The following SIL1 variants were observed in gnomAD, a reference collection of about 807,000 sequenced individuals.
SIL1 encodes the protein SIL1 nucleotide exchange factor, also known as nucleotide exchange factor SIL1.
In SIL1, 40 loss-of-function variants were observed where a neutral mutation model predicts 49.1. The observed-to-expected ratio is 0.81, with a 90% CI of 0.63 to 1.06. The LOEUF (loss-of-function observed/expected upper bound fraction) is 1.06, where lower values mean the gene tolerates loss of function less well. Ranked by LOEUF, SIL1 falls within the 50% of genes least tolerant of loss-of-function variation. The pLI, the probability that SIL1 is intolerant of heterozygous loss-of-function variation, is 0.00. For synonymous variants in SIL1, 253 were observed against 250.8 expected (o/e 1.01, Z -0.08); for missense variants, 500 against 572.6 (o/e 0.87, Z 1.29).
At chr5:139,064,935 G>A (rs1411323915) in intron 3 of SIL1, among the ~76,000 whole-genome samples, 1 of 152,170 alleles carries the variant, frequency 6.6e-6, no homozygotes, top group Non-Finnish European at 1.5e-5. Flanking sequence ...TGACACCAGA[G>A]AGTTCTCAAT....
chr5:138,961,901 T>C (rs1054563260), intron 7 of SIL1, among the ~76,000 whole-genome samples: 5 of 151,516 alleles, frequency 3.3e-5, no homozygotes, highest in African/African-American at 1.2e-4. Context: ...AGTTTTACCT[T>C]CCCCTTTTAG....
At chr5:138,966,088 G>A (rs1169877666) in intron 7 of SIL1, among the ~76,000 whole-genome samples, 5 of 151,952 alleles carry the variant, frequency 3.3e-5, no homozygotes, top group Non-Finnish European at 5.9e-5. Context: ...AGGCTACCGA[G>A]GATTAAATGA....
intron 3 of SIL1, among the ~76,000 whole-genome samples, chr5:139,113,319 A>AAAAT (rs1232145485): frequency 8.0e-6 from 1 of 124,614 alleles, no homozygotes; most frequent in Non-Finnish European, 1.8e-5. Flanking sequence ...AAATAAATAA[A>AAAAT]TAAATAAATT....
intron 4 of SIL1, among the ~76,000 whole-genome samples, chr5:139,044,036 T>C (rs967002538): frequency 6.6e-5 from 10 of 152,172 alleles, no homozygotes; most frequent in African/African-American, 2.4e-4. Flanking sequence ...CTTTCATTCT[T>C]CCTAGAGACC....
intron 1 of SIL1, among the ~76,000 whole-genome samples, chr5:139,140,872 A>C (rs563351867): frequency 6.6e-6 from 1 of 152,308 alleles, no homozygotes; most frequent in South Asian, 2.1e-4. Context: ...CATGCTAAAA[A>C]TATTAAGCAG....
Position 138,976,767 on chromosome 5 carries a change from G to A in SIL1, c.768-24883C>T, listed in dbSNP as rs148307384. 1.8e-4 allele frequency among the ~76,000 whole-genome samples: 28 copies of A among 151,874 alleles called. No individual in the cohort carries two copies. The East Asian group carries it at 5.0e-3, about 27-fold the overall frequency. ...GTATAATTTCAACTTTCTATATTACGTATTACTTTAACGTTTGAAAAGCTT... is the reference window on the plus strand; with the variant it reads ...GTATAATTTCAACTTTCTATATTACATATTACTTTAACGTTTGAAAAGCTT... On this transcript the variant is annotated intron_variant, in intron 7 of 9. Coordinates refer to ENST00000394817, the MANE Select transcript of SIL1 (RefSeq NM_022464.5).
intron 7 of SIL1, among the ~76,000 whole-genome samples, chr5:138,968,603 C>T (rs993258809): frequency 2.6e-5 from 4 of 152,170 alleles, no homozygotes; most frequent in African/African-American, 9.7e-5. Flanking sequence ...TTCCTGGGGC[C>T]CTCCTTCTTT....
intron 4 of SIL1, among the ~76,000 whole-genome samples, chr5:139,050,412 C>T (rs924964044): frequency 6.6e-6 from 1 of 152,104 alleles, no homozygotes; most frequent in South Asian, 2.1e-4. Context: ...ATAATATAAC[C>T]TGGTTATTGA....
intron 8 of SIL1, 110 bp from the exon 9 acceptor site, chr5:138,951,445 C>T: frequency 8.7e-7 from 1 of 1,147,808 alleles, no homozygotes; most frequent in Non-Finnish European, 1.2e-6. Context: ...TCCTCCCGGC[C>T]CCACCTCAGT....
intron 7 of SIL1, among the ~76,000 whole-genome samples, chr5:138,983,957 G>A (rs1767591798): frequency 2.0e-5 from 3 of 152,212 alleles, no homozygotes; most frequent in Non-Finnish European, 4.4e-5. Context: ...CAAGTAGTGT[G>A]TGTCATCCTG....
rs535572508 is a variant in SIL1 at position 138,950,607 on chromosome 5, T to G, written c.1029+564A>C. On this transcript the variant is annotated intron_variant, in intron 9 of 9. Transcript: ENST00000394817. ...CTCTCTGCAGTAGCTGAATTAAGAA[T>G]CCAGGCCTGGCTGGTTTTCCTCTCT... is the stretch of plus-strand genomic sequence containing the variant. 7.9e-5 allele frequency among the ~76,000 whole-genome samples: 12 copies of G among 152,298 alleles called. No individual in the cohort carries two copies. In the South Asian group the frequency reaches 2.5e-3, roughly 32 times the overall value.
intron 3 of SIL1, among the ~76,000 whole-genome samples, chr5:139,066,791 G>A (rs1769715813): frequency 6.6e-6 from 1 of 151,976 alleles, no homozygotes; most frequent in South Asian, 2.1e-4. Context: ...CTGCAGCCTT[G>A]ACCTCCCAGG....
chr5:139,052,768 C>T (rs755221378), intron 3 of SIL1, among the ~76,000 whole-genome samples: 5 of 152,086 alleles, frequency 3.3e-5, no homozygotes, highest in South Asian at 2.1e-4. Context: ...AAGAAAAAAG[C>T]GAGTCCCAGA....
intron 7 of SIL1, among the ~76,000 whole-genome samples, chr5:138,974,930 G>C (rs1767365226): frequency 6.6e-6 from 1 of 152,152 alleles, no homozygotes; most frequent in East Asian, 1.9e-4. Flanking sequence ...AGCTGAGGAA[G>C]CTGAGGCTTA....
At chr5:139,008,204 C>T (rs1408396924) in intron 7 of SIL1, among the ~76,000 whole-genome samples, 7 of 151,534 alleles carry the variant, frequency 4.6e-5, no homozygotes, top group East Asian at 3.9e-4. Flanking sequence ...GTGTATGTGT[C>T]GAGGAATTTA....
At chr5:139,128,046 A>C (rs1223308570) in intron 1 of SIL1, 193 bp from the exon 2 acceptor site, 1 of 615,946 alleles carries the variant, frequency 1.6e-6, no homozygotes. Flanking sequence ...CCAACAAGAG[A>C]TATGCCCTGG....
chr5:139,097,094 A>C (rs1218494168), intron 3 of SIL1, among the ~76,000 whole-genome samples: 1 of 152,034 alleles, frequency 6.6e-6, no homozygotes, highest in Non-Finnish European at 1.5e-5. Context: ...CACACTTTCC[A>C]AAGGTGGCCT....
intron 7 of SIL1, among the ~76,000 whole-genome samples, chr5:139,009,057 T>C (rs902093516): frequency 3.6e-4 from 54 of 151,402 alleles, no homozygotes; most frequent in Non-Finnish European, 6.6e-4. Context: ...ATGTTGACAG[T>C]GGGGTGTTAA....
intron 2 of SIL1, among the ~76,000 whole-genome samples, chr5:139,123,599 G>C (rs1267535849): frequency 6.6e-6 from 1 of 152,202 alleles, no homozygotes; most frequent in African/African-American, 2.4e-5. Context: ...CTGGTCAGAA[G>C]CATTAGACTG....
Sources: gnomAD v4.1 joint callset for allele counts (sites outside exome capture counted in the v4.1 genomes callset) on GRCh38, gnomAD v4.1.1 for gene constraint, MANE v1.5 for transcripts, NCBI Gene and HGNC (gene_info 2026-07-23, HGNC 2026-07-21) for gene names.